The following OSBPL10 variants were observed in gnomAD, a reference collection of about 807,000 sequenced individuals.
OSBPL10 encodes oxysterol binding protein like 10.
In OSBPL10, 49 loss-of-function variants were observed where a neutral mutation model predicts 81.7. The ratio of observed to expected loss-of-function variants is 0.60; its 90% CI spans 0.48 to 0.76. OSBPL10 has a LOEUF of 0.76. Ranked by LOEUF, OSBPL10 falls within the 30% of genes least tolerant of loss-of-function variation. The pLI, the probability that OSBPL10 is intolerant of heterozygous loss-of-function variation, is 0.00. For missense variants in OSBPL10, 923 were observed against 987.8 expected (o/e 0.93, Z 0.88); for synonymous variants, 419 against 383.6 (o/e 1.09, Z -1.08).
chr3:32,076,195 C>T (rs1175629224), intron 1 of OSBPL10, among the ~76,000 whole-genome samples: 1 of 152,082 alleles, frequency 6.6e-6, no homozygotes, highest in African/African-American at 2.4e-5. Flanking sequence ...TGGTGAAACC[C>T]CGTCTCTACT....
chr3:31,776,994 AT>A (rs1215468551), intron 4 of OSBPL10, among the ~76,000 whole-genome samples: 1 of 152,240 alleles, frequency 6.6e-6, no homozygotes, highest in African/African-American at 2.4e-5. Context: ...AGAAAAAAAA[AT>A]CAAGAAATTC....
At chr3:31,836,791 A>G (rs1462534017) in intron 3 of OSBPL10, among the ~76,000 whole-genome samples, 1 of 151,940 alleles carries the variant, frequency 6.6e-6, no homozygotes, top group Non-Finnish European at 1.5e-5. Context: ...CATCCACACC[A>G]TTTGCTTGGG....
intron 1 of OSBPL10, among the ~76,000 whole-genome samples, chr3:31,979,999 T>G (rs1460744605): frequency 1.3e-5 from 2 of 151,138 alleles, no homozygotes; most frequent in Non-Finnish European, 2.9e-5. Context: ...TTATTTTATT[T>G]TATTTTATTT....
At chr3:31,977,027 T>C (rs994146730) in intron 1 of OSBPL10, among the ~76,000 whole-genome samples, 3 of 152,182 alleles carry the variant, frequency 2.0e-5, no homozygotes, top group African/African-American at 7.2e-5. Flanking sequence ...AAGTTTGACT[T>C]AGGGCAAATG....
At chr3:31,961,773 T>TA (rs1698171247) in intron 1 of OSBPL10, among the ~76,000 whole-genome samples, 1 of 152,186 alleles carries the variant, frequency 6.6e-6, no homozygotes, top group Non-Finnish European at 1.5e-5. Context: ...TGTATAATTA[T>TA]AATCTTTACA....
chr3:31,864,891 T>C (rs1233409788), intron 3 of OSBPL10, among the ~76,000 whole-genome samples: 7 of 152,236 alleles, frequency 4.6e-5, no homozygotes, highest in Admixed American at 4.6e-4. Context: ...GCTCCATAAA[T>C]GGCTCCAGTG....
intron 1 of OSBPL10, among the ~76,000 whole-genome samples, chr3:31,957,078 T>C (rs1004662590): frequency 2.6e-5 from 4 of 152,056 alleles, no homozygotes; most frequent in Admixed American, 6.5e-5. Context: ...GAGGGTGCAG[T>C]GGGCCAAGAC....
intron 4 of OSBPL10, among the ~76,000 whole-genome samples, chr3:31,772,811 ATT>A (rs1173332410): frequency 2.0e-5 from 3 of 152,220 alleles, no homozygotes; most frequent in Admixed American, 2.0e-4. Context: ...AAGTAGGAGA[ATT>A]TGCAAATACA....
At chr3:31,996,935 A>G (rs752556126) in intron 2 of OSBPL10, among the ~76,000 whole-genome samples, 2 of 152,192 alleles carry the variant, frequency 1.3e-5, no homozygotes, top group South Asian at 4.1e-4. Context: ...CCTTCTTCCC[A>G]GAAGGCTCCC....
intron 11 of OSBPL10, chr3:31,663,016 ACT>A (rs1443822131): frequency 2.0e-6 from 2 of 985,116 alleles, no homozygotes; most frequent in African/African-American, 1.7e-5. Context: ...CCACAGCCTG[ACT>A]CTGGGGAGAA....
At chr3:31,911,606 T>C (rs1320589535) in intron 1 of OSBPL10, among the ~76,000 whole-genome samples, 1 of 151,196 alleles carries the variant, frequency 6.6e-6, no homozygotes, top group Non-Finnish European at 1.5e-5. Flanking sequence ...CAATAGCTGA[T>C]GGACTTTAAA....
chr3:31,971,779 G>T (rs1698573502), intron 1 of OSBPL10, among the ~76,000 whole-genome samples: 1 of 146,336 alleles, frequency 6.8e-6, no homozygotes, highest in Non-Finnish European at 1.5e-5. Flanking sequence ...AAGTTTTATA[G>T]AACACAGATA....
chr3:31,956,796 T>G (rs1042709609), intron 1 of OSBPL10, among the ~76,000 whole-genome samples: 3 of 151,678 alleles, frequency 2.0e-5, no homozygotes, highest in African/African-American at 7.3e-5. Context: ...GGATACAGCA[T>G]GTCAATCTTG....
Position 31,863,066 on chromosome 3 carries a change from C to T in OSBPL10, c.537+13367G>A, listed in dbSNP as rs1365606865. 1.1e-4 allele frequency among the ~76,000 whole-genome samples: 17 copies of T among 152,206 alleles called. No homozygotes were observed. The East Asian group carries it at 2.1e-3, about 19-fold the overall frequency. On this transcript the variant is annotated intron_variant, in intron 3 of 11. Coordinates refer to ENST00000396556, the MANE Select transcript of OSBPL10 (RefSeq NM_017784.5). The stretch of plus-strand genomic sequence containing the variant: ...TAAAAATTATGCCATGTCCATACAA[C>T]GGGATATTAGTCATAAAAAAGGAAT...
chr3:31,743,036 T>G lies in OSBPL10; in HGVS notation c.940+4874A>C, dbSNP rs1005902866. 2.1e-3 allele frequency among the ~76,000 whole-genome samples: 287 copies of G among 136,790 alleles called. 3 individuals carry two copies. In the Middle Eastern group the frequency reaches 0.05, roughly 24 times the overall value. The allele number at this position is 136,790 out of a possible 152,430, so 89.7% of individuals were successfully genotyped here. A position where few individuals can be genotyped will look rare whatever the true frequency, so the allele number is the denominator to read the frequency against. ...TTGACCGAAAAGCTAAATTAGTTTTTTTTTTTTTTTTTTTTTTTTTTTTAG... is the reference window on the plus strand; with the variant it reads ...TTGACCGAAAAGCTAAATTAGTTTTGTTTTTTTTTTTTTTTTTTTTTTTAG... On this transcript the variant is annotated intron_variant, in intron 5 of 11. Coordinates refer to ENST00000396556, the MANE Select transcript of OSBPL10 (RefSeq NM_017784.5).
intron 2 of OSBPL10, among the ~76,000 whole-genome samples, chr3:32,033,974 A>G (rs1372141477): frequency 6.6e-6 from 1 of 152,176 alleles, no homozygotes; most frequent in Non-Finnish European, 1.5e-5. Context: ...TCACAGTTCT[A>G]CATTGCTAGG....
At chr3:31,947,116 A>C (rs1391454095) in intron 1 of OSBPL10, among the ~76,000 whole-genome samples, 2 of 152,328 alleles carry the variant, frequency 1.3e-5, no homozygotes, top group East Asian at 3.9e-4. Context: ...AATCAGAATG[A>C]TTCACTAAAT....
rs575936213 is a variant in OSBPL10, at chr3:31,682,647, C to A, written c.1726+987G>T. Among the ~76,000 whole-genome samples, 187 of 152,346 alleles carry A rather than the reference C, an allele frequency of 1.2e-3. 6 individuals carry two copies. The South Asian group carries it at 0.036, about 30-fold the overall frequency. The stretch of plus-strand genomic sequence containing the variant: ...TGCCCTCTCCCTGGTCTTCCCCGGA[C>A]CCCCACCTGCTTTGTTTCTCTACAA... On this transcript the variant is annotated intron_variant, in intron 8 of 11. Transcript: ENST00000396556.
chr3:31,874,766 G>A (rs888983823), intron 3 of OSBPL10, among the ~76,000 whole-genome samples: 13 of 152,034 alleles, frequency 8.6e-5, no homozygotes, highest in Non-Finnish European at 1.5e-4. Context: ...TACAAATAAC[G>A]GCAACCGTTG....
Sources: gnomAD v4.1 joint callset for allele counts (sites outside exome capture counted in the v4.1 genomes callset) on GRCh38, gnomAD v4.1.1 for gene constraint, MANE v1.5 for transcripts, NCBI Gene and HGNC (gene_info 2026-07-23, HGNC 2026-07-21) for gene names.